The following DPH6 variants were observed in gnomAD, a reference collection of about 807,000 sequenced individuals.
DPH6 encodes the protein diphthine--ammonia ligase.
Under a neutral mutation model 38.2 loss-of-function variants are expected in DPH6, and 33 were observed. The ratio of observed to expected loss-of-function variants is 0.86; its 90% CI spans 0.65 to 1.15. DPH6 has a LOEUF of 1.15. Among genes scored for constraint, DPH6 ranks in the 50% most tolerant of loss-of-function variants. The pLI, the probability that DPH6 is intolerant of heterozygous loss-of-function variation, is 0.00. For missense variants in DPH6, 325 were observed against 320.0 expected (o/e 1.02, Z -0.12); for synonymous variants, 108 against 103.0 (o/e 1.05, Z -0.30).
the DPH6 span, among the ~76,000 whole-genome samples, chr15:35,191,786 TCAGA>T: frequency 0.053 from 8,007 of 152,198 alleles, 695 homozygotes; most frequent in African/African-American, 0.18. Flanking sequence ...ATCACCACAT[TCAGA>T]CAATCTCAGT....
chr15:35,246,140 C>T (rs953470421), intron 3 of DPH6, among the ~76,000 whole-genome samples: 11 of 152,288 alleles, frequency 7.2e-5, no homozygotes, highest in Admixed American at 5.9e-4. Context: ...CGGCCCCACC[C>T]CTATCTCCCT....
intron 3 of DPH6, among the ~76,000 whole-genome samples, chr15:35,252,592 T>C (rs534420169): frequency 6.6e-6 from 1 of 152,250 alleles, no homozygotes; most frequent in African/African-American, 2.4e-5. Flanking sequence ...TGGAGGGTTA[T>C]ATAACGTGAC....
chr15:35,477,234 T>G (rs972145495), intron 3 of DPH6, among the ~76,000 whole-genome samples: 1 of 151,884 alleles, frequency 6.6e-6, no homozygotes, highest in Non-Finnish European at 1.5e-5. Context: ...TATAACATTA[T>G]CTGAATTACA....
intron 5 of DPH6, among the ~76,000 whole-genome samples, chr15:35,436,192 C>T (rs368982193): frequency 1.6e-4 from 24 of 152,124 alleles, no homozygotes; most frequent in East Asian, 3.9e-4. Context: ...TCCTGCTGGG[C>T]GCGGTGGCTC....
rs151149343 is a variant in DPH6 at position 35,234,787 on chromosome 15, C to T, written n.201-14205G>A. Reference sequence around the variant, plus strand: ...TTGTTGGGAAAATTGGATATGGATTCTCTATTTTGTACTGGCTTGGTGCTT... The same window carrying T: ...TTGTTGGGAAAATTGGATATGGATTTTCTATTTTGTACTGGCTTGGTGCTT... On this transcript the variant is annotated intron_variant and non_coding_transcript_variant, in intron 3 of 3. Coordinates refer to the DPH6 transcript ENST00000560386. 3.4e-3 allele frequency among the ~76,000 whole-genome samples: 523 copies of T among 152,268 alleles called. 2 individuals carry two copies. Among genetic ancestry groups the T allele is most frequent in the African/African-American group, 0.012 (499 of 41,546 alleles).
chr15:35,205,120 A>T, the DPH6 span, among the ~76,000 whole-genome samples: 1 of 151,964 alleles, frequency 6.6e-6, no homozygotes, highest in South Asian at 2.1e-4. Flanking sequence ...CACAAAATAC[A>T]CGTCTTTTAT....
intron 6 of DPH6, among the ~76,000 whole-genome samples, chr15:35,386,135 A>G (rs2052951941): frequency 1.3e-5 from 2 of 152,104 alleles, no homozygotes; most frequent in Admixed American, 1.3e-4. Context: ...GCTGAGAATG[A>G]TGGTTTCCAG....
At chr15:35,309,513 C>T (rs1381935865) in intron 3 of DPH6, among the ~76,000 whole-genome samples, 1 of 152,144 alleles carries the variant, frequency 6.6e-6, no homozygotes, top group Non-Finnish European at 1.5e-5. Context: ...TTGTGTGAAA[C>T]TTTCCTTCTT....
intron 5 of DPH6, among the ~76,000 whole-genome samples, chr15:35,423,223 T>C (rs2053527837): frequency 1.3e-5 from 2 of 151,712 alleles, no homozygotes; most frequent in South Asian, 4.1e-4. Flanking sequence ...TCTTTCACTT[T>C]TCTGATACTC....
intron 3 of DPH6, among the ~76,000 whole-genome samples, chr15:35,332,254 T>A (rs1197160330): frequency 6.6e-6 from 1 of 151,962 alleles, no homozygotes; most frequent in Non-Finnish European, 1.5e-5. Flanking sequence ...GGTGTGTGAG[T>A]GTAAGTGGGT....
the DPH6 span, among the ~76,000 whole-genome samples, chr15:35,160,254 C>T: frequency 6.6e-6 from 1 of 151,824 alleles, no homozygotes; most frequent in African/African-American, 2.4e-5. Flanking sequence ...TTCTCTCTAC[C>T]TTGCAGCAAA....
chr15:35,303,780 TC>T (rs1207433267), intron 3 of DPH6, among the ~76,000 whole-genome samples: 1 of 151,784 alleles, frequency 6.6e-6, no homozygotes, highest in Non-Finnish European at 1.5e-5. Context: ...AATATAGTCA[TC>T]TTTTTTCCCC....
At chr15:35,460,153 T>C (rs1027603306) in intron 3 of DPH6, among the ~76,000 whole-genome samples, 1 of 152,118 alleles carries the variant, frequency 6.6e-6, no homozygotes, top group Non-Finnish European at 1.5e-5. Flanking sequence ...CAGTCATGAT[T>C]AACAGAAAAA....
In DPH6 at chr15:35,285,872, G is replaced by GTTTTTTTGTTTTTTTTTT. The variant is rs1555391171; in HGVS notation, n.201-65291_201-65290insAAAAAAAAAACAAAAAAA. On this transcript the variant is annotated intron_variant and non_coding_transcript_variant, in intron 3 of 3. Coordinates refer to the DPH6 transcript ENST00000560386. ...GACTCAATTATCATTTTATCTTTGAGTTTTTTTTTTTTTTTTTACCTGAGA... is the reference window on the plus strand; with the variant it reads ...GACTCAATTATCATTTTATCTTTGAGTTTTTTTGTTTTTTTTTTTTTTTTTTTTTTTTTTTACCTGAGA... 3.8e-5 allele frequency among the ~76,000 whole-genome samples: 2 copies of GTTTTTTTGTTTTTTTTTT among 52,794 alleles called. 1 individual carries two copies. The highest frequency in any genetic ancestry group is 6.5e-5 in the Non-Finnish European group (2 of 30,542). The allele number at this position is 52,794 out of a possible 152,430, so 34.6% of individuals were successfully genotyped here. A position where few individuals can be genotyped will look rare whatever the true frequency, so the allele number is the denominator to read the frequency against.
At chr15:35,244,539 T>C (rs952965569) in intron 3 of DPH6, among the ~76,000 whole-genome samples, 1 of 152,268 alleles carries the variant, frequency 6.6e-6, no homozygotes, top group African/African-American at 2.4e-5. Context: ...TATGCATCCA[T>C]TATCACTGTC....
intron 3 of DPH6, among the ~76,000 whole-genome samples, chr15:35,456,474 T>TA (rs61506295): frequency 2.7e-3 from 229 of 86,290 alleles, no homozygotes; most frequent in South Asian, 0.02. Context: ...TATATATATA[T>TA]TTATTTATTT....
At chr15:35,175,554 G>A in the DPH6 span, among the ~76,000 whole-genome samples, 1 of 152,168 alleles carries the variant, frequency 6.6e-6, no homozygotes, top group African/African-American at 2.4e-5. Flanking sequence ...AATTGCAGTT[G>A]CTTCAGTCAT....
At chr15:35,506,325 AATAATGATGGCTTGT>A (rs1414156461) in intron 3 of DPH6, among the ~76,000 whole-genome samples, 1 of 152,190 alleles carries the variant, frequency 6.6e-6, no homozygotes, top group African/African-American at 2.4e-5. Context: ...AGAGGGCAGT[AATAATGATGGCTTGT>A]ATGACAATAT....
intron 3 of DPH6, among the ~76,000 whole-genome samples, chr15:35,493,791 G>A (rs1266435133): frequency 6.6e-6 from 1 of 152,144 alleles, no homozygotes; most frequent in African/African-American, 2.4e-5. Context: ...TGACAGCAGG[G>A]AGAGCGACTA....
Sources: gnomAD v4.1 joint callset for allele counts (sites outside exome capture counted in the v4.1 genomes callset) on GRCh38, gnomAD v4.1.1 for gene constraint, MANE v1.5 for transcripts, NCBI Gene and HGNC (gene_info 2026-07-23, HGNC 2026-07-21) for gene names.